TNRC6C: variants seen among roughly 807,000 people sequenced by gnomAD.
TNRC6C encodes trinucleotide repeat containing adaptor 6C, also known as trinucleotide repeat-containing gene 6C protein.
TNRC6C carries 20 observed loss-of-function variants against 153.7 expected under a neutral mutation model. That is an observed-to-expected ratio of 0.13 (90% CI 0.09 to 0.19). TNRC6C has a LOEUF of 0.19. TNRC6C is among the 10% of genes least tolerant of loss of function. The pLI, the probability that TNRC6C is intolerant of heterozygous loss-of-function variation, is 1.00. For missense variants in TNRC6C, 1,987 were observed against 2,172.0 expected (o/e 0.91, Z 1.69); for synonymous variants, 811 against 841.4 (o/e 0.96, Z 0.63).
intron 16 of TNRC6C, among the ~76,000 whole-genome samples, chr17:78,096,365 G>A (rs1274784984): frequency 1.3e-5 from 2 of 152,160 alleles, no homozygotes; most frequent in East Asian, 1.9e-4. Context: ...CCCCCACGAC[G>A]CACAGTTCAC....
chr17:78,026,154 A>G (rs1043124138), intron 1 of TNRC6C, among the ~76,000 whole-genome samples: 2 of 152,192 alleles, frequency 1.3e-5, no homozygotes, highest in Non-Finnish European at 2.9e-5. Flanking sequence ...TTTAAACTTT[A>G]TATGTTTGAG....
At chr17:78,006,492 T>TTTCTTCTTCTTCTTCTTC (rs57078929) in intron 1 of TNRC6C, among the ~76,000 whole-genome samples, 13 of 110,500 alleles carry the variant, frequency 1.2e-4, no homozygotes, top group South Asian at 3.6e-4. Flanking sequence ...CTTCTTCTTC[T>TTTCTTCTTCTTCTTCTTC]TTCTTCTTCT....
At chr17:78,040,019 G>C (rs552737322) in intron 2 of TNRC6C, among the ~76,000 whole-genome samples, 8 of 152,356 alleles carry the variant, frequency 5.3e-5, no homozygotes, top group Non-Finnish European at 1.5e-5. Context: ...CTGCAAGACA[G>C]GTAGGCCAGG....
At chr17:77,958,562 C>T (rs1039852780), upstream of TNRC6C, among the ~76,000 whole-genome samples, 1 of 152,064 alleles carries the variant, frequency 6.6e-6, no homozygotes, top group Non-Finnish European at 1.5e-5. Flanking sequence ...TGCCGATTGG[C>T]CAGTTCGCCC....
At chr17:78,085,154 C>T (rs536660839) in intron 11 of TNRC6C, among the ~76,000 whole-genome samples, 21 of 152,244 alleles carry the variant, frequency 1.4e-4, no homozygotes, top group South Asian at 1.2e-3. Flanking sequence ...CACTAGATGA[C>T]GCTGCAGGCA....
At chr17:78,006,686 G>C (rs1282463080) in intron 1 of TNRC6C, among the ~76,000 whole-genome samples, 1 of 142,380 alleles carries the variant, frequency 7.0e-6, no homozygotes, top group East Asian at 2.0e-4. Flanking sequence ...CTTCATCATT[G>C]TCACTGTTTT....
chr17:78,098,753 G>C (rs2073535340), intron 17 of TNRC6C, among the ~76,000 whole-genome samples: 1 of 152,152 alleles, frequency 6.6e-6, no homozygotes, highest in Non-Finnish European at 1.5e-5. Context: ...CCGGCACGCA[G>C]CAGGTTTGCT....
At chr17:78,102,577 G>T in intron 18 of TNRC6C, 33 bp downstream of exon 21, 1 of 1,575,716 alleles carries the variant, frequency 6.3e-7, no homozygotes, top group Non-Finnish European at 8.6e-7. Context: ...CACTGAGCAT[G>T]ATCCAGGGAG....
chr17:77,958,085 T>TCGTGTG (rs752722113), upstream of TNRC6C, among the ~76,000 whole-genome samples: 8 of 152,130 alleles, frequency 5.3e-5, no homozygotes, highest in East Asian at 1.9e-4. Flanking sequence ...CCCCAAGGAC[T>TCGTGTG]CGTGTGCGTG....
At chr17:77,969,024 A>G (rs182180464) in intron 1 of TNRC6C, among the ~76,000 whole-genome samples, 1 of 152,146 alleles carries the variant, frequency 6.6e-6, no homozygotes, top group African/African-American at 2.4e-5. Context: ...ATACCAGCCC[A>G]CAGCTGGTGA....
chr17:77,975,396 G>A (rs1316890737), intron 1 of TNRC6C, among the ~76,000 whole-genome samples: 2 of 152,164 alleles, frequency 1.3e-5, no homozygotes, highest in African/African-American at 4.8e-5. Flanking sequence ...GTTGAAATGT[G>A]CTGGTGGGAG....
At chr17:78,077,926 A>G (rs1417071116) in intron 9 of TNRC6C, 2 of 154,962 alleles carry the variant, frequency 1.3e-5, no homozygotes, top group Non-Finnish European at 2.9e-5. Flanking sequence ...ATAGACTCTT[A>G]ACATGAAATG....
chr17:78,050,980 G>A, exon 3 of TNRC6C: 1 of 1,613,976 alleles, frequency 6.2e-7, no homozygotes. Context: ...TGGGAACAGT[G>A]GCTGGGGCAA....
At chr17:78,017,665 C>T (rs2071753895) in intron 1 of TNRC6C, among the ~76,000 whole-genome samples, 1 of 152,336 alleles carries the variant, frequency 6.6e-6, no homozygotes, top group East Asian at 1.9e-4. Flanking sequence ...ATCCATGGAA[C>T]CACCCAGTGC....
intron 3 of TNRC6C, among the ~76,000 whole-genome samples, chr17:78,051,820 C>T (rs750732687): frequency 1.3e-4 from 20 of 152,272 alleles, no homozygotes; most frequent in Admixed American, 1.0e-3. Flanking sequence ...AGACATGGTT[C>T]AGAACTTGGG....
At chr17:78,051,200 C>T (rs1471199954) in exon 3 of TNRC6C, 1 of 1,572,618 alleles carries the variant, frequency 6.4e-7, no homozygotes, top group East Asian at 2.4e-5. Context: ...TGGGAAGAAC[C>T]CTCTCCACCG....
At chr17:78,098,572 CT>C in intron 17 of TNRC6C, 35 bp downstream of exon 20, 1 of 1,592,254 alleles carries the variant, frequency 6.3e-7, no homozygotes, top group South Asian at 1.1e-5. Context: ...CGATGGGGGC[CT>C]TACCCTTTAG....
At position 78,075,328 on chromosome 17, in the gene TNRC6C, T is replaced by A; in HGVS notation, c.3060+50T>A. The A allele has an allele frequency of 6.5e-7, 1 of 1,540,490 alleles. No homozygotes were observed. Among genetic ancestry groups the A allele is most frequent in the Non-Finnish European group, 8.8e-7 (1 of 1,138,234 alleles). On this transcript the variant is annotated intron_variant, in intron 8 of 19. Transcript: ENST00000301624. The surrounding 1 kb of genome is among the most constrained non-coding windows in gnomAD (Gnocchi z 4.2). ...TTTTGCTTTTTTAACAAGAGGAGTT[T>A]TTCATTTCAACTGTGTCCTTAATAC...
intron 1 of TNRC6C, among the ~76,000 whole-genome samples, chr17:77,978,858 AGT>A (rs1177912013): frequency 6.6e-6 from 1 of 152,176 alleles, no homozygotes; most frequent in Admixed American, 6.5e-5. Flanking sequence ...ACAAAAACTT[AGT>A]TTTGAATTGG....
Sources: allele counts gnomAD v4.1 joint callset (sites outside exome capture counted in the v4.1 genomes callset), GRCh38; gene constraint gnomAD v4.1.1; non-coding constraint Gnocchi (gnomAD v3.1); transcripts MANE v1.5; gene names NCBI Gene and HGNC (gene_info 2026-07-23, HGNC 2026-07-21).